Variants in SCMH1 observed in about 807,000 individuals in gnomAD.
The protein encoded by SCMH1 is Scm polycomb group protein homolog 1.
Under a neutral mutation model 70.8 loss-of-function variants are expected in SCMH1, and 37 were observed. That is an observed-to-expected ratio of 0.52 (90% CI 0.40 to 0.69). The LOEUF is 0.69. SCMH1 is among the 30% of genes least tolerant of loss of function. SCMH1 has a pLI of 0.00. For synonymous variants in SCMH1, 292 were observed against 307.4 expected (o/e 0.95, Z 0.52); for missense variants, 607 against 827.3 (o/e 0.73, Z 3.27).
intron 7 of SCMH1, among the ~76,000 whole-genome samples, chr1:41,115,601 C>T (rs1670269184): frequency 1.3e-5 from 2 of 152,122 alleles, no homozygotes; most frequent in Non-Finnish European, 2.9e-5. Flanking sequence ...CCACTCTTAG[C>T]TAATTTTTAA....
chr1:41,174,078 G>A (rs1646959668), intron 2 of SCMH1, among the ~76,000 whole-genome samples: 1 of 152,056 alleles, frequency 6.6e-6, no homozygotes, highest in Non-Finnish European at 1.5e-5. Flanking sequence ...AGCAAGAAGA[G>A]CATATTTCTG....
At chr1:41,155,473 A>G (rs1211096318) in intron 4 of SCMH1, among the ~76,000 whole-genome samples, 3 of 152,100 alleles carry the variant, frequency 2.0e-5, no homozygotes, top group African/African-American at 7.2e-5. Context: ...CAAACAAACA[A>G]ACAAACAAAC....
At chr1:41,131,983 T>C (rs964534554) in intron 6 of SCMH1, among the ~76,000 whole-genome samples, 1 of 152,220 alleles carries the variant, frequency 6.6e-6, no homozygotes, top group African/African-American at 2.4e-5. Flanking sequence ...TTGTTTGCTA[T>C]TGTGAATAGT....
At chr1:41,121,722 A>G (rs1671996497) in intron 6 of SCMH1, among the ~76,000 whole-genome samples, 1 of 152,150 alleles carries the variant, frequency 6.6e-6, no homozygotes, top group African/African-American at 2.4e-5. Context: ...CTATAACTCT[A>G]CTTGGATGTC....
intron 1 of SCMH1, among the ~76,000 whole-genome samples, chr1:41,206,801 G>T (rs1362732938): frequency 6.6e-6 from 1 of 152,130 alleles, no homozygotes; most frequent in Non-Finnish European, 1.5e-5. Flanking sequence ...AGAAAGGTCG[G>T]GTTACCCACA....
At position 41,107,334 on chromosome 1, in the gene SCMH1, C is replaced by T. The variant is rs138034230; in HGVS notation, c.745+5949G>A. ...ATGTTCACAAAACTGTAAACACTAACGGCAGAATCTCCATCAACTGAGCCA... is the reference window on the plus strand; with the variant it reads ...ATGTTCACAAAACTGTAAACACTAATGGCAGAATCTCCATCAACTGAGCCA... On this transcript the variant is annotated intron_variant, in intron 8 of 14. Transcript: ENST00000337495. 6.6e-4 allele frequency among the ~76,000 whole-genome samples: 100 copies of T among 151,928 alleles called. No individual in the cohort carries two copies. The East Asian group carries it at 8.7e-3, about 13-fold the overall frequency.
intron 2 of SCMH1, among the ~76,000 whole-genome samples, chr1:41,176,490 C>T (rs1647152450): frequency 6.6e-6 from 1 of 152,218 alleles, no homozygotes; most frequent in Admixed American, 6.5e-5. Context: ...TCAGGGAATT[C>T]CCTTTCCTAG....
intron 1 of SCMH1, among the ~76,000 whole-genome samples, chr1:41,215,278 A>G (rs1657853672): frequency 6.6e-6 from 1 of 152,164 alleles, no homozygotes. Flanking sequence ...GACAACCAGA[A>G]TAATTCTTCT....
chr1:41,128,952 C>A (rs1434966373), intron 6 of SCMH1, among the ~76,000 whole-genome samples: 1 of 152,012 alleles, frequency 6.6e-6, no homozygotes, highest in African/African-American at 2.4e-5. Flanking sequence ...TCAGTTTATT[C>A]TTCACTTGAG....
intron 10 of SCMH1, among the ~76,000 whole-genome samples, chr1:41,066,924 G>A (rs909869876): frequency 6.6e-6 from 1 of 152,242 alleles, no homozygotes; most frequent in Admixed American, 6.5e-5. Context: ...TTGGTTTCTT[G>A]CAAAACAAAA....
At chr1:41,108,078 C>T (rs751532053) in intron 8 of SCMH1, among the ~76,000 whole-genome samples, 15 of 152,028 alleles carry the variant, frequency 9.9e-5, no homozygotes, top group Admixed American at 4.6e-4. Flanking sequence ...AGAAACCTGT[C>T]GCAGGTAGAA....
At chr1:41,237,664 C>T (rs139376404) in intron 1 of SCMH1, among the ~76,000 whole-genome samples, 3 of 152,262 alleles carry the variant, frequency 2.0e-5, no homozygotes, top group African/African-American at 7.2e-5. Flanking sequence ...ACAAAGATAC[C>T]ATACCCTATG....
chr1:41,153,772 T>C (rs192684275), intron 4 of SCMH1, among the ~76,000 whole-genome samples: 28 of 152,310 alleles, frequency 1.8e-4, no homozygotes, highest in Admixed American at 1.4e-3. Context: ...ATCAGGTGAA[T>C]TGCAAAATAA....
intron 13 of SCMH1, among the ~76,000 whole-genome samples, chr1:41,029,809 C>T (rs140377436): frequency 1.3e-5 from 2 of 152,326 alleles, no homozygotes; most frequent in African/African-American, 4.8e-5. Flanking sequence ...AATAAATGGT[C>T]TCACAAAGTA....
At position 41,133,655 on chromosome 1, in the gene SCMH1, A is replaced by G. The variant is rs955031124; in HGVS notation, c.412+9223T>C. Among the ~76,000 whole-genome samples, 5 of 152,232 alleles carry G rather than the reference A, an allele frequency of 3.3e-5. No homozygotes were observed. The East Asian group carries it at 9.6e-4, about 29-fold the overall frequency. ...AAACTACCATCAGAGAATACTATAA[A>G]CGCCTCTATGCAAATAAACTAGAAA... On this transcript the variant is annotated intron_variant, in intron 6 of 14. Coordinates refer to ENST00000337495, the Ensembl canonical transcript of SCMH1.
intron 8 of SCMH1, among the ~76,000 whole-genome samples, chr1:41,083,307 C>T (rs1053324613): frequency 9.9e-5 from 15 of 152,172 alleles, no homozygotes; most frequent in African/African-American, 3.1e-4. Flanking sequence ...GTACAAAAAT[C>T]ACAAACATTC....
intron 8 of SCMH1, among the ~76,000 whole-genome samples, chr1:41,097,532 G>A (rs753530591): frequency 6.6e-6 from 1 of 152,084 alleles, no homozygotes; most frequent in Non-Finnish European, 1.5e-5. Context: ...GCAGTGGCAC[G>A]ATCATAGTTC....
chr1:41,199,211 C>A (rs1653722961), intron 1 of SCMH1, among the ~76,000 whole-genome samples: 2 of 152,050 alleles, frequency 1.3e-5, no homozygotes, highest in Admixed American at 6.6e-5. Context: ...CATAAGTATA[C>A]AAGCTTAGTG....
chr1:41,096,015 A>G (rs1664957990), intron 8 of SCMH1, among the ~76,000 whole-genome samples: 1 of 152,222 alleles, frequency 6.6e-6, no homozygotes, highest in South Asian at 2.1e-4. Context: ...GTGTGATTAA[A>G]CTGCATTTTT....
Sources: allele counts gnomAD v4.1 joint callset (sites outside exome capture counted in the v4.1 genomes callset), GRCh38; gene constraint gnomAD v4.1.1; transcripts MANE v1.5; gene names NCBI Gene and HGNC (gene_info 2026-07-23, HGNC 2026-07-21).